TSTD1: variants seen among roughly 807,000 people sequenced by gnomAD.
TSTD1 encodes thiosulfate sulfurtransferase like domain containing 1.
A neutral mutation model predicts 12.6 loss-of-function variants in TSTD1; 7 were observed. That is an observed-to-expected ratio of 0.55 (90% CI 0.32 to 1.04). The LOEUF is 1.04. Among genes scored for constraint, TSTD1 ranks in the 50% least tolerant of loss-of-function variants. The pLI, the probability that TSTD1 is intolerant of heterozygous loss-of-function variation, is 0.05. For synonymous variants in TSTD1, 73 were observed against 59.7 expected (o/e 1.22, Z -1.03); for missense variants, 156 against 151.0 (o/e 1.03, Z -0.17).
rs944477427 is a variant in TSTD1 at position 161,038,924 on chromosome 1, G to T, written c.-35C>A. 6.5e-7 allele frequency: 1 copy of T among 1,548,474 alleles called. No homozygotes were observed. The highest frequency in any genetic ancestry group is 1.4e-5 in the African/African-American group (1 of 72,968). Reference sequence around the variant, plus strand: ...AGCAACCGCGAGTCTCCGGAGTGCGGCCCTGGCCCGCCCTCTCGGCGCCTG... The same window carrying T: ...AGCAACCGCGAGTCTCCGGAGTGCGTCCCTGGCCCGCCCTCTCGGCGCCTG... On this transcript the variant is annotated 5_prime_UTR_variant, in exon 1 of 4. Coordinates refer to ENST00000423014, the MANE Select transcript of TSTD1 (RefSeq NM_001113207.2).
intron 2 of TSTD1, 131 bp downstream of exon 2, chr1:161,038,420 C>A (rs996348874): frequency 4.3e-6 from 5 of 1,161,160 alleles, no homozygotes; most frequent in Non-Finnish European, 5.9e-6. Flanking sequence ...AAGCTGAGGG[C>A]TGGCTCCCGG....
At chr1:161,038,751 GC>G in intron 1 of TSTD1, 78 bp from the exon 2 acceptor site, 1 of 1,520,290 alleles carries the variant, frequency 6.6e-7, no homozygotes, top group African/African-American at 1.4e-5. Context: ...TCACCTGGCA[GC>G]GCCCCTCCCG....
intron 2 of TSTD1, 130 bp downstream of exon 2, chr1:161,038,421 T>C: frequency 8.6e-7 from 1 of 1,165,108 alleles, no homozygotes. Flanking sequence ...AGCTGAGGGC[T>C]GGCTCCCGGG....
chr1:161,038,435 G>A (rs1650322091), intron 2 of TSTD1, 116 bp downstream of exon 2: 1 of 1,264,836 alleles, frequency 7.9e-7, no homozygotes, highest in Non-Finnish European at 1.1e-6. Flanking sequence ...TCCCGGGAAT[G>A]CAGGACCCCC....
intron 3 of TSTD1, 39 bp downstream of exon 3, chr1:161,037,874 C>T (rs1391325108): frequency 1.9e-5 from 29 of 1,551,772 alleles, no homozygotes; most frequent in Non-Finnish European, 2.5e-5. Context: ...GACAGGCAGT[C>T]CCCATCACCT....
In TSTD1 at chr1:161,038,937, C is replaced by T. The variant is rs1486530263; in HGVS notation, c.-48G>A. On this transcript the variant is annotated 5_prime_UTR_variant, in exon 1 of 4. Transcript: ENST00000423014. ...CTCCGGAGTGCGGCCCTGGCCCGCC[C>T]TCTCGGCGCCTGCAACATCTCCCGT... The T allele has an allele frequency of 2.6e-6, 4 of 1,547,814 alleles. No individual in the cohort carries two copies. Among genetic ancestry groups the T allele is most frequent in the Non-Finnish European group, 3.5e-6 (4 of 1,144,034 alleles).
At chr1:161,038,271 C>T in intron 2 of TSTD1, 196 bp from the exon 3 acceptor site, 1 of 692,948 alleles carries the variant, frequency 1.4e-6, no homozygotes, top group Admixed American at 3.0e-5. Context: ...GGAGGCGGGG[C>T]GGGATGCCCC....
chr1:161,038,840 G>A lies in TSTD1; in HGVS notation c.10+40C>T, dbSNP rs1277368229. ...CTCCCTGCCACGCCTCAACCCAGAGGACCAAGAGAACCGCGGCCCCAGGAA... is the reference window on the plus strand; with the variant it reads ...CTCCCTGCCACGCCTCAACCCAGAGAACCAAGAGAACCGCGGCCCCAGGAA... On this transcript the variant is annotated intron_variant, in intron 1 of 3. Transcript: ENST00000423014. The A allele has an allele frequency of 4.5e-6, 7 of 1,547,794 alleles. No individual in the cohort carries two copies. In the African/African-American group the frequency reaches 9.6e-5, roughly 21 times the overall value.
At position 161,038,629 on chromosome 1, in the gene TSTD1, CG is replaced by C; in HGVS notation, c.54del (p.Gly19AspfsTer104). ...SLPELRSLLA[S>X]GRARLFDVRS... ...CGCACGTCGAAGAGCCGGGCCCGTC[CG>C]GAGGCTAGGAGTGAACGGAGTTCAG... is the stretch of plus-strand genomic sequence containing the variant. On this transcript the variant is annotated frameshift_variant, in exon 2 of 4. Transcript: ENST00000423014. LOFTEE classifies it high-confidence loss of function. 6.4e-7 allele frequency: 1 copy of C among 1,550,848 alleles called. No homozygotes were observed. The highest frequency in any genetic ancestry group is 8.7e-7 in the Non-Finnish European group (1 of 1,146,350).
At position 161,037,702 on chromosome 1, in the gene TSTD1, C is replaced by G; in HGVS notation, c.*73G>C. 1 of 1,504,692 alleles carries G rather than the reference C, an allele frequency of 6.6e-7. No individual in the cohort carries two copies. 93.2% of individuals were successfully genotyped at this position (1,504,692 alleles called of 1,614,324 possible). A position where few individuals can be genotyped will look rare whatever the true frequency, so the allele number is the denominator to read the frequency against. On this transcript the variant is annotated 3_prime_UTR_variant, in exon 4 of 4. Coordinates refer to ENST00000423014, the MANE Select transcript of TSTD1 (RefSeq NM_001113207.2). Reference sequence around the variant, plus strand: ...TAAGGAGTTGCCCAATTCACCAAGTCAGCCCGTTCACACCCTTAGTTAAGG... The same window carrying G: ...TAAGGAGTTGCCCAATTCACCAAGTGAGCCCGTTCACACCCTTAGTTAAGG...
rs890242311 is a variant in TSTD1 at position 161,038,647 on chromosome 1, G to C, written c.37C>G (p.Arg13Gly). ...GAPTVSLPELRSLLASGRARL... is the reference protein window; with the variant it reads ...GAPTVSLPELGSLLASGRARL... The stretch of plus-strand genomic sequence containing the variant: ...GCCCGTCCGGAGGCTAGGAGTGAAC[G>C]GAGTTCAGGAAGCGAGACCGTGGGC... Residue 13 changes from arginine (R) to glycine (G), a missense_variant, in exon 2 of 4, where the codon CGT (arginine) becomes GGT (glycine). Arg to Gly is a moderately radical substitution (Grantham distance 125). Coordinates refer to ENST00000423014, the MANE Select transcript of TSTD1 (RefSeq NM_001113207.2). The C allele has an allele frequency of 1.3e-6, 2 of 1,549,530 alleles. No individual in the cohort carries two copies. Among genetic ancestry groups the C allele is most frequent in the African/African-American group, 1.4e-5 (1 of 73,140 alleles).
At position 161,038,921 on chromosome 1, in the gene TSTD1, G is replaced by A. The variant is rs1650364249; in HGVS notation, c.-32C>T. On this transcript the variant is annotated 5_prime_UTR_variant, in exon 1 of 4. Coordinates refer to ENST00000423014, the MANE Select transcript of TSTD1 (RefSeq NM_001113207.2). ...CGTAGCAACCGCGAGTCTCCGGAGTGCGGCCCTGGCCCGCCCTCTCGGCGC... is the reference window on the plus strand; with the variant it reads ...CGTAGCAACCGCGAGTCTCCGGAGTACGGCCCTGGCCCGCCCTCTCGGCGC... 1 of 1,550,618 alleles carries A rather than the reference G, an allele frequency of 6.4e-7. No homozygotes were observed. Among genetic ancestry groups the A allele is most frequent in the Non-Finnish European group, 8.7e-7 (1 of 1,146,334 alleles).
chr1:161,038,719 T>C (rs1571041351), intron 1 of TSTD1, 46 bp from the exon 2 acceptor site: 1 of 1,525,408 alleles, frequency 6.6e-7, no homozygotes, highest in Non-Finnish European at 8.9e-7. Context: ...GGCCTAGGAG[T>C]CACGGCCGCC....
At chr1:161,038,425 T>C (rs1371889220) in intron 2 of TSTD1, 126 bp downstream of exon 2, 2 of 1,198,828 alleles carry the variant, frequency 1.7e-6, no homozygotes, top group African/African-American at 3.1e-5. Context: ...GAGGGCTGGC[T>C]CCCGGGAATG....
At position 161,038,960 on chromosome 1, in the gene TSTD1, C is replaced by A. The variant is rs1414351488; in HGVS notation, c.-71G>T. The A allele has an allele frequency of 6.5e-6, 10 of 1,546,580 alleles. No homozygotes were observed. In the African/African-American group the frequency reaches 1.1e-4, roughly 17 times the overall value. ...CCCTCTCGGCGCCTGCAACATCTCC[C>A]GTTCCCTCCCAGAGCTGAGACCGGA... is the stretch of plus-strand genomic sequence containing the variant. On this transcript the variant is annotated 5_prime_UTR_variant, in exon 1 of 4. Transcript: ENST00000423014.
At chr1:161,038,430 G>C in intron 2 of TSTD1, 121 bp downstream of exon 2, 1 of 1,236,350 alleles carries the variant, frequency 8.1e-7, no homozygotes, top group Non-Finnish European at 1.1e-6. Flanking sequence ...CTGGCTCCCG[G>C]GAATGCAGGA....
intron 1 of TSTD1, 41 bp from the exon 2 acceptor site, chr1:161,038,714 A>C (rs1421840546): frequency 6.5e-7 from 1 of 1,529,906 alleles, no homozygotes; most frequent in South Asian, 1.2e-5. Context: ...GAGGGGGCCT[A>C]GGAGTCACGG....
Position 161,038,673 on chromosome 1 carries a change from G to A in TSTD1, c.11C>T (p.Ala4Val). Residue 4 changes from alanine (A) to valine (V), a missense_variant and splice_region_variant, in exon 2 of 4, where the codon GCG (alanine) becomes GTG (valine). Transcript: ENST00000423014. MAGAPTVSLPELRS... is the reference protein window; with the variant it reads MAGVPTVSLPELRS... ...GAGTTCAGGAAGCGAGACCGTGGGC[G>A]CTGAGGAAGGGGCGCGACAGCCTTC... is the stretch of plus-strand genomic sequence containing the variant. 6.5e-7 allele frequency: 1 copy of A among 1,542,608 alleles called. No individual in the cohort carries two copies. The highest frequency in any genetic ancestry group is 8.8e-7 in the Non-Finnish European group (1 of 1,139,564).
In TSTD1 at chr1:161,038,863, G is replaced by A. The variant is rs973436796; in HGVS notation, c.10+17C>T. 2 of 1,549,082 alleles carry A rather than the reference G, an allele frequency of 1.3e-6. No homozygotes were observed. Among genetic ancestry groups the A allele is most frequent in the African/African-American group, 2.7e-5 (2 of 72,970 alleles). ...AGGACCAAGAGAACCGCGGCCCCAG[G>A]AATCCCCCGCAGGTACCTCCAGCCA... On this transcript the variant is annotated intron_variant, in intron 1 of 3. Coordinates refer to ENST00000423014, the MANE Select transcript of TSTD1 (RefSeq NM_001113207.2).
Sources: allele counts gnomAD v4.1 joint callset, GRCh38; gene constraint gnomAD v4.1.1; transcripts MANE v1.5; gene names NCBI Gene and HGNC (gene_info 2026-07-23, HGNC 2026-07-21).